Variants in NPAS3 observed in about 807,000 individuals in gnomAD.
NPAS3 encodes neuronal PAS domain-containing protein 3.
NPAS3 carries 14 observed loss-of-function variants against 73.1 expected under a neutral mutation model. The ratio of observed to expected loss-of-function variants is 0.19; its 90% CI spans 0.13 to 0.30. The LOEUF is 0.30. NPAS3 is among the 10% of genes least tolerant of loss of function. NPAS3 has a pLI of 1.00. For synonymous variants in NPAS3, 620 were observed against 541.5 expected (o/e 1.14, Z -2.01); for missense variants, 1,096 against 1,250.0 (o/e 0.88, Z 1.86).
intron 2 of NPAS3, among the ~76,000 whole-genome samples, chr14:33,147,730 A>AAAAAATATATCTATATAT (rs372663411): frequency 7.7e-6 from 1 of 130,388 alleles, no homozygotes. Context: ...TAGAATAAAA[A>AAAAAATATATCTATATAT]ATATATATAT....
At chr14:33,046,193 G>C (rs1319474074) in intron 1 of NPAS3, among the ~76,000 whole-genome samples, 2 of 152,166 alleles carry the variant, frequency 1.3e-5, no homozygotes, top group Non-Finnish European at 2.9e-5. Flanking sequence ...TTGTAGGAGA[G>C]AAAATGGCAT....
chr14:33,209,930 T>A (rs1475922350), intron 2 of NPAS3, among the ~76,000 whole-genome samples: 1 of 151,638 alleles, frequency 6.6e-6, no homozygotes, highest in Non-Finnish European at 1.5e-5. Flanking sequence ...GTCAATAAGG[T>A]CAGTATCTGA....
At chr14:33,693,450 T>C (rs1197997109) in intron 6 of NPAS3, among the ~76,000 whole-genome samples, 1 of 152,156 alleles carries the variant, frequency 6.6e-6, no homozygotes, top group Non-Finnish European at 1.5e-5. Flanking sequence ...GACTCACATC[T>C]AGAGACTGTG....
chr14:33,349,564 C>T (rs1366916869), intron 3 of NPAS3, among the ~76,000 whole-genome samples: 1 of 152,086 alleles, frequency 6.6e-6, no homozygotes. Context: ...AAGAGATTTG[C>T]AGTATCATTA....
chr14:33,769,765 T>TTTTC (rs1290344053), intron 7 of NPAS3, among the ~76,000 whole-genome samples: 34 of 122,308 alleles, frequency 2.8e-4, no homozygotes, highest in African/African-American at 1.2e-3. Context: ...TCTTTTTTTT[T>TTTTC]TTTTTTTTTT....
chr14:33,058,125 TA>T (rs11409227), intron 2 of NPAS3, among the ~76,000 whole-genome samples: 154 of 145,136 alleles, frequency 1.1e-3, no homozygotes, highest in South Asian at 3.7e-3. Flanking sequence ...AAATGTATTG[TA>T]AAAAAAAAAA....
chr14:32,945,125 T>A (rs1485424279), intron 1 of NPAS3, among the ~76,000 whole-genome samples: 1 of 152,134 alleles, frequency 6.6e-6, no homozygotes, highest in African/African-American at 2.4e-5. Context: ...TCTAAAAGAG[T>A]AAGAAGTAAT....
At chr14:33,583,909 G>A (rs1483496553) in intron 5 of NPAS3, among the ~76,000 whole-genome samples, 3 of 152,114 alleles carry the variant, frequency 2.0e-5, no homozygotes, top group African/African-American at 7.2e-5. Flanking sequence ...GTTAACCTGG[G>A]GTCCATAGAC....
chr14:32,934,813 G>C (rs1054603890), upstream of NPAS3: 11 of 306,746 alleles, frequency 3.6e-5, no homozygotes, highest in Non-Finnish European at 5.3e-5. This position sits in a 1 kb window ranked among gnomAD's most constrained non-coding sequence, Gnocchi z 4.1. Flanking sequence ...CCAGAGCCCA[G>C]AGCCGCCGCG....
At chr14:33,073,920 C>T (rs981367206) in intron 2 of NPAS3, among the ~76,000 whole-genome samples, 6 of 152,014 alleles carry the variant, frequency 3.9e-5, no homozygotes. Flanking sequence ...TAGATTGTTT[C>T]GTGTTTTATT....
chr14:33,194,404 T>A lies in NPAS3; in HGVS notation c.141-20778T>A, dbSNP rs535498596. 1.0e-3 allele frequency among the ~76,000 whole-genome samples: 158 copies of A among 152,280 alleles called. No homozygotes were observed. In the Middle Eastern group the frequency reaches 0.014, roughly 13 times the overall value. ...TTTGGAACTTTGAGCGAAATATTAC[T>A]CACTAACAAATCAAGACCATAAGCT... On this transcript the variant is annotated intron_variant, in intron 2 of 11. Coordinates refer to ENST00000356141, the Ensembl canonical transcript of NPAS3.
chr14:33,489,451 A>G (rs1016631160), intron 4 of NPAS3, among the ~76,000 whole-genome samples: 1 of 152,184 alleles, frequency 6.6e-6, no homozygotes, highest in African/African-American at 2.4e-5. Flanking sequence ...ATATTTTAAA[A>G]AAACAGCAAA....
chr14:33,712,043 A>C (rs2060833777), intron 6 of NPAS3, among the ~76,000 whole-genome samples: 1 of 152,166 alleles, frequency 6.6e-6, no homozygotes, highest in African/African-American at 2.4e-5. Flanking sequence ...CAAAAGCATC[A>C]CTATGGCATG....
In NPAS3 at chr14:33,181,528, T is replaced by A. The variant is rs560668171; in HGVS notation, c.141-33654T>A. ...GGGAGAATTTTGCTGTGATTTCATA[T>A]CTGTGCAGTATAACTGGAAGAAATT... is the stretch of plus-strand genomic sequence containing the variant. On this transcript the variant is annotated intron_variant, in intron 2 of 11. Coordinates refer to ENST00000356141, the Ensembl canonical transcript of NPAS3. Among the ~76,000 whole-genome samples, 443 of 152,334 alleles carry A rather than the reference T, an allele frequency of 2.9e-3. 4 individuals are homozygous for A. Among genetic ancestry groups the A allele is most frequent in the Non-Finnish European group, 3.0e-3 (206 of 68,036 alleles).
chr14:33,194,566 C>A (rs1351205012), intron 2 of NPAS3, among the ~76,000 whole-genome samples: 1 of 152,224 alleles, frequency 6.6e-6, no homozygotes, highest in Non-Finnish European at 1.5e-5. Flanking sequence ...TGGTTTGTTG[C>A]CTTTTTCTTA....
At chr14:33,370,465 T>TG (rs1390188840) in intron 4 of NPAS3, among the ~76,000 whole-genome samples, 9 of 152,054 alleles carry the variant, frequency 5.9e-5, no homozygotes, top group Admixed American at 3.9e-4. Flanking sequence ...ACATATGCAG[T>TG]GGGACATATA....
At chr14:33,291,861 T>A (rs1022655649) in intron 3 of NPAS3, among the ~76,000 whole-genome samples, 1 of 152,186 alleles carries the variant, frequency 6.6e-6, no homozygotes, top group African/African-American at 2.4e-5. Context: ...TCTCCACGCC[T>A]CACTTCTACC....
chr14:33,517,512 A>G (rs1266402317), intron 4 of NPAS3, among the ~76,000 whole-genome samples: 1 of 151,990 alleles, frequency 6.6e-6, no homozygotes, highest in African/African-American at 2.4e-5. Context: ...GGAGTTTCTC[A>G]TGGGTGTATT....
chr14:33,493,365 G>A (rs2052001407), intron 4 of NPAS3, among the ~76,000 whole-genome samples: 1 of 150,852 alleles, frequency 6.6e-6, no homozygotes, highest in African/African-American at 2.4e-5. Flanking sequence ...ACTCTTGCCA[G>A]AGGGAAGAAA....
Sources: gnomAD v4.1 joint callset for allele counts (sites outside exome capture counted in the v4.1 genomes callset) on GRCh38, gnomAD v4.1.1 for gene constraint, Gnocchi (gnomAD v3.1) non-coding constraint, MANE v1.5 for transcripts, NCBI Gene and HGNC (gene_info 2026-07-23, HGNC 2026-07-21) for gene names.